The following CYP27A1 variants were observed in gnomAD, a reference collection of about 807,000 sequenced individuals.
CYP27A1 encodes cytochrome P450 family 27 subfamily A member 1.
Under a neutral mutation model 58.2 loss-of-function variants are expected in CYP27A1, and 46 were observed. The ratio of observed to expected loss-of-function variants is 0.79; its 90% CI spans 0.62 to 1.01. The LOEUF (loss-of-function observed/expected upper bound fraction) is 1.01, where lower values mean the gene tolerates loss of function less well. CYP27A1 is among the 50% of genes least tolerant of loss of function. The pLI is 0.00. For synonymous variants in CYP27A1, 274 were observed against 285.1 expected, an observed-to-expected ratio of 0.96 and a Z score of 0.39; for missense variants, 704 against 687.0, an observed-to-expected ratio of 1.02 and a Z score of -0.28.
At position 218,801,850 on chromosome 2, in the gene CYP27A1, A is replaced by G. The variant is rs1943602490; in HGVS notation, c.256-7727A>G. Reference sequence around the variant, plus strand: ...TAAAATCTTTATCCCACCTGGGATTAGTTTCTGTGTATGGTGTGAGGTGCA... The same window carrying G: ...TAAAATCTTTATCCCACCTGGGATTGGTTTCTGTGTATGGTGTGAGGTGCA... On this transcript the variant is annotated intron_variant, in intron 1 of 8. Transcript: ENST00000258415. 2.0e-5 allele frequency among the ~76,000 whole-genome samples: 3 copies of G among 151,922 alleles called. No homozygotes were observed. In the South Asian group the frequency reaches 6.2e-4, roughly 31 times the overall value.
At chr2:218,805,469 A>G (rs996776194) in intron 1 of CYP27A1, among the ~76,000 whole-genome samples, 2 of 152,248 alleles carry the variant, frequency 1.3e-5, no homozygotes, top group Non-Finnish European at 2.9e-5. Context: ...ATTTAGTTGA[A>G]GAGACAAGAC....
chr2:218,789,869 A>AT (rs1943474868), intron 1 of CYP27A1, among the ~76,000 whole-genome samples: 2 of 152,160 alleles, frequency 1.3e-5, no homozygotes, highest in Non-Finnish European at 2.9e-5. Flanking sequence ...ACTTCAGGTT[A>AT]TTTTTTTGTG....
chr2:218,811,933 A>G (rs143411793), intron 2 of CYP27A1, among the ~76,000 whole-genome samples: 1 of 152,274 alleles, frequency 6.6e-6, no homozygotes, highest in East Asian at 1.9e-4. Flanking sequence ...GGAGTTACCC[A>G]CCTAGGGTCC....
In CYP27A1 at chr2:218,814,579, G is replaced by C. The variant is rs201107032; in HGVS notation, c.1298G>C (p.Arg433Pro). Reference protein sequence around the residue: ...QFVFCHYVVSRDPTAFSEPES... With the variant: ...QFVFCHYVVSPDPTAFSEPES... The stretch of plus-strand genomic sequence containing the variant: ...GTGTTCTGCCACTATGTGGTGTCCC[G>C]GGACCCCACTGCCTTCTCTGAGCCT... Residue 433 changes from arginine (R) to proline (P), a missense_variant, in exon 8 of 9, where the codon CGG becomes CCG. Transcript: ENST00000258415. 1 of 1,614,156 alleles carries C rather than the reference G, an allele frequency of 6.2e-7. No individual in the cohort carries two copies. Among genetic ancestry groups the C allele is most frequent in the South Asian group, 1.1e-5 (1 of 91,078 alleles).
intron 2 of CYP27A1, 144 bp downstream of exon 2, chr2:218,809,911 G>A (rs1575205011): frequency 1.4e-6 from 1 of 720,454 alleles, no homozygotes; most frequent in African/African-American, 1.8e-5. Context: ...CAGTTGTTGG[G>A]AGGTGCTGAA....
intron 1 of CYP27A1, among the ~76,000 whole-genome samples, chr2:218,803,591 T>G (rs1212102586): frequency 6.6e-6 from 1 of 151,960 alleles, no homozygotes; most frequent in Non-Finnish European, 1.5e-5. Flanking sequence ...ACCCAGCTAA[T>G]TTTTGTATTT....
rs781057490 is a variant in CYP27A1, at chr2:218,809,654, C to A, written c.333C>A (p.Ala111=). 1 of 1,614,096 alleles carries A rather than the reference C, an allele frequency of 6.2e-7. No individual in the cohort carries two copies. The highest frequency in any genetic ancestry group is 1.1e-5 in the South Asian group (1 of 91,082). The change falls in exon 2 of 9, where the codon GCC becomes GCA. Residue 111 remains alanine, a synonymous_variant. Transcript: ENST00000258415. ...AGATGCACGTGAACCTGGCCAGTGCCCCGCTCTTGGAGCAAGTGATGCGGC... is the reference window on the plus strand; with the variant it reads ...AGATGCACGTGAACCTGGCCAGTGCACCGCTCTTGGAGCAAGTGATGCGGC... ...GPQMHVNLAS[A]PLLEQVMRQE... is the part of the protein sequence containing the mutation.
intron 1 of CYP27A1, among the ~76,000 whole-genome samples, chr2:218,799,520 T>G (rs1404227754): frequency 6.6e-6 from 1 of 152,114 alleles, no homozygotes; most frequent in Non-Finnish European, 1.5e-5. Context: ...AAACCCCTCC[T>G]TCTGTAAGTT....
intron 2 of CYP27A1, among the ~76,000 whole-genome samples, chr2:218,811,658 A>G (rs1228427932): frequency 1.3e-5 from 2 of 152,192 alleles, no homozygotes; most frequent in Non-Finnish European, 2.9e-5. Context: ...TGACCCACTG[A>G]GCCAAGCAGA....
At chr2:218,806,186 T>C (rs1207701767) in intron 1 of CYP27A1, among the ~76,000 whole-genome samples, 4 of 152,250 alleles carry the variant, frequency 2.6e-5, no homozygotes, top group Non-Finnish European at 4.4e-5. Flanking sequence ...TTTATTAAAA[T>C]GTTATACATA....
At position 218,791,400 on chromosome 2, in the gene CYP27A1, A is replaced by G. The variant is rs80320944; in HGVS notation, c.255+8963A>G. Among the ~76,000 whole-genome samples the G allele has an allele frequency of 5.8e-3, 878 of 152,312 alleles. 8 individuals are homozygous for G. Among genetic ancestry groups the G allele is most frequent in the African/African-American group, 0.02 (819 of 41,566 alleles). ...TCCATGTAATAAGGCTGGCTGCAAA[A>G]TCTTTCACAAATAAAAGTACACCCC... is the stretch of plus-strand genomic sequence containing the variant. On this transcript the variant is annotated intron_variant, in intron 1 of 8. Transcript: ENST00000258415.
intron 1 of CYP27A1, among the ~76,000 whole-genome samples, chr2:218,808,824 A>G (rs1943676983): frequency 6.6e-6 from 1 of 152,200 alleles, no homozygotes; most frequent in Non-Finnish European, 1.5e-5. Context: ...AGACTATCAT[A>G]GCAATGTCAA....
chr2:218,803,458 G>A (rs924312593), intron 1 of CYP27A1, among the ~76,000 whole-genome samples: 7 of 151,690 alleles, frequency 4.6e-5, no homozygotes, highest in Non-Finnish European at 8.8e-5. Flanking sequence ...ACCGAGTCTC[G>A]TTCTATTGCC....
At chr2:218,800,327 C>A (rs897948770) in intron 1 of CYP27A1, among the ~76,000 whole-genome samples, 3 of 151,902 alleles carry the variant, frequency 2.0e-5, no homozygotes, top group Non-Finnish European at 4.4e-5. Context: ...AAGGTCTTAA[C>A]GGTGCTATGG....
chr2:218,812,434 G>T lies in CYP27A1; in HGVS notation c.646+13G>T, dbSNP rs1943728304. The T allele has an allele frequency of 1.9e-6, 3 of 1,613,942 alleles. No individual in the cohort carries two copies. The African/African-American group carries it at 4.0e-5, about 22-fold the overall frequency. Reference sequence around the variant, plus strand: ...TTTGCCTTGGAAGGTACCCTTGCTGGGAGAGGGGCTGGGGAAGGGAATGGG... The same window carrying T: ...TTTGCCTTGGAAGGTACCCTTGCTGTGAGAGGGGCTGGGGAAGGGAATGGG... On this transcript the variant is annotated intron_variant, in intron 3 of 8. Transcript: ENST00000258415.
At chr2:218,794,192 G>A (rs759765829) in intron 1 of CYP27A1, among the ~76,000 whole-genome samples, 36 of 152,190 alleles carry the variant, frequency 2.4e-4, no homozygotes, top group African/African-American at 7.7e-4. Context: ...CCCAGTGCGC[G>A]GACCAGTCGG....
intron 1 of CYP27A1, among the ~76,000 whole-genome samples, chr2:218,784,638 C>G (rs572824610): frequency 4.6e-5 from 7 of 152,252 alleles, no homozygotes; most frequent in African/African-American, 1.7e-4. Context: ...TATAAACCAG[C>G]CTTGTGTAGA....
intron 1 of CYP27A1, among the ~76,000 whole-genome samples, chr2:218,803,950 C>G (rs1057060849): frequency 6.7e-6 from 1 of 150,030 alleles, no homozygotes. Flanking sequence ...CCAGGCTAGT[C>G]TTGAATTCCT....
intron 2 of CYP27A1, 65 bp from the exon 3 acceptor site, chr2:218,812,156 GA>G: frequency 7.9e-7 from 1 of 1,260,404 alleles, no homozygotes; most frequent in Non-Finnish European, 1.2e-6. Context: ...TTCAGGGTGA[GA>G]AGATCTCCCT....
Sources: allele counts gnomAD v4.1 joint callset (sites outside exome capture counted in the v4.1 genomes callset), GRCh38; gene constraint gnomAD v4.1.1; transcripts MANE v1.5; gene names NCBI Gene and HGNC (gene_info 2026-07-23, HGNC 2026-07-21).